LOXHD1: variants seen among roughly 807,000 people sequenced by gnomAD.
LOXHD1 encodes the protein lipoxygenase homology PLAT domains 1, also known as lipoxygenase homology domain-containing protein 1.
In LOXHD1, 205 loss-of-function variants were observed where a neutral mutation model predicts 248.2. The observed-to-expected ratio is 0.83, with a 90% CI of 0.74 to 0.93. The LOEUF is 0.93. LOXHD1 is among the 40% of genes least tolerant of loss of function. LOXHD1 has a pLI of 0.00. For synonymous variants in LOXHD1, 1,113 were observed against 1,162.8 expected (o/e 0.96, Z 0.87); for missense variants, 2,930 against 2,971.6 (o/e 0.99, Z 0.33).
Position 46,559,135 on chromosome 18 carries a change from G to A in LOXHD1, c.3216+313C>T, listed in dbSNP as rs529885149. On this transcript the variant is annotated intron_variant, in intron 20 of 40. Coordinates refer to ENST00000642948, the MANE Select transcript of LOXHD1 (RefSeq NM_001384474.1). ...GTTTTCCCCCAAGACACCATCTTGC[G>A]GCGAGGACTTCCTCTTGAACCCCCG... The A allele has an allele frequency of 3.2e-5, 44 of 1,356,396 alleles. 1 individual carries two copies. The highest frequency in any genetic ancestry group is 5.8e-5 in the African/African-American group (4 of 68,484). The allele number at this position is 1,356,396 out of a possible 1,614,324, so 84.0% of individuals were successfully genotyped here.
chr18:46,541,443 T>C (rs1047590645), intron 25 of LOXHD1, among the ~76,000 whole-genome samples: 2 of 152,272 alleles, frequency 1.3e-5, no homozygotes, highest in African/African-American at 4.8e-5. Flanking sequence ...TAGACCTTTA[T>C]CTTTCTTCCT....
At chr18:46,533,389 T>C (rs1805862003) in intron 27 of LOXHD1, 65 bp from the exon 28 acceptor site, 5 of 1,524,268 alleles carry the variant, frequency 3.3e-6, no homozygotes, top group Non-Finnish European at 3.5e-6. Context: ...CAGGGATTCA[T>C]CAGCTCAATA....
intron 25 of LOXHD1, among the ~76,000 whole-genome samples, chr18:46,539,640 C>T: frequency 6.6e-6 from 1 of 152,040 alleles, no homozygotes; most frequent in Non-Finnish European, 1.5e-5. Context: ...GGGTTGTCAA[C>T]AGTATTTTTT....
Position 46,594,415 on chromosome 18 carries a change from T to C in LOXHD1, c.1186A>G (p.Asn396Asp), listed in dbSNP as rs1327710529. ...TCCGCTTTCTTCTCATCCAGCCAGT[T>C]GCTACAAGGGAAGGTCTGCTGGATA... ...TGIQQTFPCS[N>D]WLDEKKADGL... Residue 396 changes from asparagine (N) to aspartate (D), a missense_variant, in exon 9 of 41, where the codon AAC becomes GAC. Physicochemically the swap from Asn to Asp is conservative, Grantham distance 23 (BLOSUM62 1). Transcript: ENST00000642948. 1 of 1,551,532 alleles carries C rather than the reference T, an allele frequency of 6.4e-7. No homozygotes were observed. The highest frequency in any genetic ancestry group is 8.7e-7 in the Non-Finnish European group (1 of 1,146,986).
intron 8 of LOXHD1, among the ~76,000 whole-genome samples, chr18:46,600,622 A>AG: frequency 4.3e-5 from 6 of 138,316 alleles, no homozygotes; most frequent in African/African-American, 1.6e-4. Context: ...GAAGGAAGGA[A>AG]GGAAGGGAGG....
At position 46,485,072 on chromosome 18, in the gene LOXHD1, GT is replaced by G; in HGVS notation, c.6128del (p.Asn2043ThrfsTer118). ...NVWLILEGRK[N>X]RSKEFLMENS... is the part of the protein sequence containing the mutation. Reference sequence around the variant, plus strand: ...TTTCCATGAGAAACTCTTTGGATCGGTTCTTCCTGCCCTCCAGGATGAGCCA... The same window carrying G: ...TTTCCATGAGAAACTCTTTGGATCGGTCTTCCTGCCCTCCAGGATGAGCCA... On this transcript the variant is annotated frameshift_variant, in exon 39 of 41. Transcript: ENST00000642948. LOFTEE classifies it high-confidence loss of function. 1 of 1,550,574 alleles carries G rather than the reference GT, an allele frequency of 6.4e-7. No homozygotes were observed.
At chr18:46,490,512 G>C (rs1216478412) in intron 37 of LOXHD1, among the ~76,000 whole-genome samples, 1 of 152,222 alleles carries the variant, frequency 6.6e-6, no homozygotes, top group Non-Finnish European at 1.5e-5. Flanking sequence ...TTTCACCCTT[G>C]TTGCCCAGGC....
chr18:46,502,654 C>T (rs1178167580), intron 37 of LOXHD1, among the ~76,000 whole-genome samples: 2 of 152,152 alleles, frequency 1.3e-5, no homozygotes, highest in Non-Finnish European at 2.9e-5. Flanking sequence ...CCTGCCCCTG[C>T]CCCAAGACTG....
chr18:46,588,981 C>T (rs328155), intron 12 of LOXHD1, among the ~76,000 whole-genome samples: 120,704 of 152,094 alleles, frequency 0.79, 48,440 homozygotes, highest in Non-Finnish European at 0.86. Flanking sequence ...GGCAGCTTCA[C>T]GGGATGATCC....
intron 6 of LOXHD1, 121 bp from the exon 7 acceptor site, chr18:46,604,350 G>T: frequency 7.4e-7 from 1 of 1,346,864 alleles, no homozygotes; most frequent in Non-Finnish European, 1.0e-6. Context: ...TCTGTTTCGT[G>T]GCCCAAGGAA....
In LOXHD1 at chr18:46,524,457, T is replaced by C; in HGVS notation, c.4876+9A>G. The C allele has an allele frequency of 6.5e-7, 1 of 1,546,358 alleles. No homozygotes were observed. Among genetic ancestry groups the C allele is most frequent in the South Asian group, 1.2e-5 (1 of 83,964 alleles). Reference sequence around the variant, plus strand: ...GGCCCCCGTCCAAAGAGCTCCCTGGTTGGCTTACTTGGGCCCTCTTGAACG... The same window carrying C: ...GGCCCCCGTCCAAAGAGCTCCCTGGCTGGCTTACTTGGGCCCTCTTGAACG... On this transcript the variant is annotated intron_variant, in intron 31 of 40. Coordinates refer to ENST00000642948, the MANE Select transcript of LOXHD1 (RefSeq NM_001384474.1).
At chr18:46,579,809 A>T (rs1599023812) in intron 12 of LOXHD1, 25 bp from the exon 13 acceptor site, 1 of 1,545,030 alleles carries the variant, frequency 6.5e-7, no homozygotes. Flanking sequence ...GAGGGACATC[A>T]TTGCTGACAG....
At chr18:46,484,912 G>T in intron 39 of LOXHD1, 107 bp downstream of exon 39, 19 of 1,361,216 alleles carry the variant, frequency 1.4e-5, no homozygotes, top group Admixed American at 2.2e-5. Context: ...AGTACTTGCT[G>T]GTTAGGCCCA....
rs1432857586 is a variant in LOXHD1 at position 46,640,925 on chromosome 18, C to T, written c.326+1031G>A. On this transcript the variant is annotated intron_variant, in intron 3 of 40. Coordinates refer to ENST00000642948, the MANE Select transcript of LOXHD1 (RefSeq NM_001384474.1). ...ATCCTTGCAGTTGTTAACAGGACAA[C>T]CACAGCTCAATACAGCACACAACCC... 4.6e-5 allele frequency among the ~76,000 whole-genome samples: 7 copies of T among 152,292 alleles called. No individual in the cohort carries two copies. In the East Asian group the frequency reaches 9.7e-4, roughly 21 times the overall value.
At chr18:46,582,213 G>C (rs757261391) in intron 12 of LOXHD1, among the ~76,000 whole-genome samples, 4 of 152,074 alleles carry the variant, frequency 2.6e-5, no homozygotes, top group Admixed American at 6.6e-5. Flanking sequence ...TAAATATAGA[G>C]CTGCACCACT....
At chr18:46,637,410 G>A (rs2038906620) in intron 4 of LOXHD1, among the ~76,000 whole-genome samples, 1 of 152,178 alleles carries the variant, frequency 6.6e-6, no homozygotes, top group South Asian at 2.1e-4. Context: ...CTCTTCTCCT[G>A]ACAGTGGAAC....
Position 46,545,432 on chromosome 18 carries a change from A to G in LOXHD1, c.3515-11T>C. ...ATGTGGTAGATTTATCTGCCAAGAGAATAGTATAGAGCAATGAATTGTAGA... is the reference window on the plus strand; with the variant it reads ...ATGTGGTAGATTTATCTGCCAAGAGGATAGTATAGAGCAATGAATTGTAGA... On this transcript the variant is annotated splice_polypyrimidine_tract_variant and intron_variant, in intron 22 of 40. Coordinates refer to ENST00000642948, the MANE Select transcript of LOXHD1 (RefSeq NM_001384474.1). 6.5e-7 allele frequency: 1 copy of G among 1,531,088 alleles called. No homozygotes were observed. The highest frequency in any genetic ancestry group is 1.2e-5 in the South Asian group (1 of 83,604). The allele number at this position is 1,531,088 out of a possible 1,614,324, so 94.8% of individuals were successfully genotyped here. A position where few individuals can be genotyped will look rare whatever the true frequency, so the allele number is the denominator to read the frequency against.
chr18:46,527,596 G>A (rs760581150), intron 29 of LOXHD1, among the ~76,000 whole-genome samples: 29 of 152,198 alleles, frequency 1.9e-4, no homozygotes, highest in Admixed American at 4.6e-4. Context: ...CCTGCCCCTA[G>A]CATCTGGGGA....
In LOXHD1 at chr18:46,546,955, C is replaced by T. The variant is rs1039056618; in HGVS notation, c.3454G>A (p.Glu1152Lys). 4 of 1,551,750 alleles carry T rather than the reference C, an allele frequency of 2.6e-6. No homozygotes were observed. The highest frequency in any genetic ancestry group is 2.4e-5 in the South Asian group (2 of 84,068). The change falls in exon 22 of 41, where the codon GAG becomes AAG. Residue 1152 changes from glutamate to lysine, a missense_variant. Physicochemically the swap from Glu to Lys is moderately conservative, Grantham distance 56. Transcript: ENST00000642948. ...VDESYVLPQS[E>K]EGRGGGDNNP... ...TTGTCACCGCCTCCCCTACCCTCCT[C>T]GCTCTGTGGCAGCACATAGGACTCA...
Sources: allele counts gnomAD v4.1 joint callset (sites outside exome capture counted in the v4.1 genomes callset), GRCh38; gene constraint gnomAD v4.1.1; transcripts MANE v1.5; gene names NCBI Gene and HGNC (gene_info 2026-07-23, HGNC 2026-07-21).